PDE7A: variants seen among roughly 807,000 people sequenced by gnomAD.
The protein encoded by PDE7A is high affinity 3',5'-cyclic-AMP phosphodiesterase 7A.
Under a neutral mutation model 64.3 loss-of-function variants are expected in PDE7A, and 39 were observed. The observed-to-expected ratio is 0.61, with a 90% confidence interval of 0.47 to 0.79. PDE7A has a LOEUF of 0.79. Among genes scored for constraint, PDE7A ranks in the 30% least tolerant of loss-of-function variants. The pLI is 0.00. For synonymous variants in PDE7A, 203 were observed against 206.8 expected (o/e 0.98, Z 0.16); for missense variants, 470 against 582.8 (o/e 0.81, Z 1.99).
intron 1 of PDE7A, among the ~76,000 whole-genome samples, chr8:65,814,298 T>G (rs947021237): frequency 1.3e-5 from 2 of 150,798 alleles, no homozygotes; most frequent in Non-Finnish European, 3.0e-5. Flanking sequence ...GATCACGAGG[T>G]CAGGAGATCG....
At position 65,747,741 on chromosome 8, in the gene PDE7A, G is replaced by A. The variant is rs1375616524; in HGVS notation, c.346C>T (p.Arg116Ter). ...AAAAAGCGTGAAGATCTAAGATATC[G>A]CTGGAAACTTAGTAGCCTTCTGATA... ...RNIRRLLSFQ[R>*]YLRSSRFFRG... Residue 116 changes from arginine to a stop codon, truncating the protein, a stop_gained, in exon 4 of 13, where the codon CGA becomes TGA. Coordinates refer to ENST00000401827, the MANE Select transcript of PDE7A (RefSeq NM_001242318.3). LOFTEE classifies it high-confidence loss of function. 10 of 1,606,312 alleles carry A rather than the reference G, an allele frequency of 6.2e-6. No homozygotes were observed. Among genetic ancestry groups the A allele is most frequent in the East Asian group, 2.2e-5 (1 of 44,756 alleles).
chr8:65,753,118 T>C (rs1353130866), intron 3 of PDE7A, among the ~76,000 whole-genome samples: 2 of 152,230 alleles, frequency 1.3e-5, no homozygotes, highest in East Asian at 1.9e-4. Context: ...ATCAGTTCTA[T>C]GGCAGCACTA....
At chr8:65,829,771 C>T (rs532364932) in intron 1 of PDE7A, among the ~76,000 whole-genome samples, 1 of 151,946 alleles carries the variant, frequency 6.6e-6, no homozygotes, top group East Asian at 1.9e-4. Flanking sequence ...GTATGGAAAC[C>T]CAGAACTAGT....
intron 3 of PDE7A, among the ~76,000 whole-genome samples, chr8:65,760,303 A>C (rs1031898587): frequency 1.3e-5 from 2 of 152,262 alleles, no homozygotes; most frequent in African/African-American, 2.4e-5. Flanking sequence ...CATCACTTTT[A>C]CTAGCCATGT....
At chr8:65,814,575 A>AT (rs1810346233) in intron 1 of PDE7A, among the ~76,000 whole-genome samples, 1 of 151,020 alleles carries the variant, frequency 6.6e-6, no homozygotes. Flanking sequence ...GTACACATAT[A>AT]ATACATACGA....
chr8:65,738,422 C>T (rs1807247968), intron 6 of PDE7A, among the ~76,000 whole-genome samples: 1 of 152,132 alleles, frequency 6.6e-6, no homozygotes, highest in Non-Finnish European at 1.5e-5. Flanking sequence ...AGAAGTTCTC[C>T]TATCCACCTA....
rs1563464740 is a variant in PDE7A, at chr8:65,716,512, A to G, written c.*2778T>C. 6.6e-6 allele frequency among the ~76,000 whole-genome samples: 1 copy of G among 152,150 alleles called. No homozygotes were observed. The highest frequency in any genetic ancestry group is 1.5e-5 in the Non-Finnish European group (1 of 68,028). On this transcript the variant is annotated 3_prime_UTR_variant, in exon 13 of 13. Transcript: ENST00000401827. ...AGGGTACCCTGGTCCACAAACATGAATATCACAGAAGACATGGGTCTTCTG... is the reference window on the plus strand; with the variant it reads ...AGGGTACCCTGGTCCACAAACATGAGTATCACAGAAGACATGGGTCTTCTG...
At chr8:65,730,007 T>G (rs1317535267) in intron 7 of PDE7A, among the ~76,000 whole-genome samples, 1 of 151,490 alleles carries the variant, frequency 6.6e-6, no homozygotes, top group African/African-American at 2.4e-5. Flanking sequence ...CCGGTACTGG[T>G]CCATGGCCTG....
At chr8:65,830,879 C>T (rs1810800612) in intron 1 of PDE7A, among the ~76,000 whole-genome samples, 1 of 151,330 alleles carries the variant, frequency 6.6e-6, no homozygotes, top group African/African-American at 2.4e-5. Context: ...AAATGCTTTC[C>T]AGCATAAAAG....
chr8:65,836,377 C>G (rs1270398265), intron 1 of PDE7A, among the ~76,000 whole-genome samples: 1 of 152,234 alleles, frequency 6.6e-6, no homozygotes, highest in Non-Finnish European at 1.5e-5. Flanking sequence ...TTAAAACAAA[C>G]TCAGTGTACC....
chr8:65,739,697 G>A (rs1393692907), intron 5 of PDE7A, 100 bp from the exon 6 acceptor site: 2 of 1,185,108 alleles, frequency 1.7e-6, no homozygotes, highest in African/African-American at 3.2e-5. Context: ...CATGGAAAGA[G>A]TAATAATTCC....
In PDE7A at chr8:65,818,938, T is replaced by C. The variant is rs533136292; in HGVS notation, c.138+22433A>G. The stretch of plus-strand genomic sequence containing the variant: ...CTGCTTCTCACTGGCAGTACCTTCA[T>C]GCCAACCAAGCTGGGGCAGAATTGG... On this transcript the variant is annotated intron_variant, in intron 1 of 12. Transcript: ENST00000401827. Among the ~76,000 whole-genome samples, 336 of 152,306 alleles carry C rather than the reference T, an allele frequency of 2.2e-3. 1 individual carries two copies. Among genetic ancestry groups the C allele is most frequent in the African/African-American group, 7.8e-3 (323 of 41,572 alleles).
At chr8:65,818,239 G>C (rs1008393303) in intron 1 of PDE7A, among the ~76,000 whole-genome samples, 6 of 151,850 alleles carry the variant, frequency 4.0e-5, no homozygotes, top group African/African-American at 1.5e-4. Context: ...TCGTGTATGC[G>C]TCACCCTCTG....
intron 1 of PDE7A, among the ~76,000 whole-genome samples, chr8:65,798,206 A>ATATATATATATATATATATTTTT: frequency 9.5e-5 from 7 of 73,802 alleles, no homozygotes; most frequent in East Asian, 3.7e-4. Flanking sequence ...ATATATATAT[A>ATATATATATATATATATATTTTT]TTTTTTTTTT....
At chr8:65,813,249 T>C (rs1810299611) in intron 1 of PDE7A, among the ~76,000 whole-genome samples, 1 of 152,186 alleles carries the variant, frequency 6.6e-6, no homozygotes, top group Non-Finnish European at 1.5e-5. Flanking sequence ...ATGTCACAGA[T>C]ATATTAGCAT....
chr8:65,747,066 A>T (rs1245174903), intron 4 of PDE7A, among the ~76,000 whole-genome samples: 2 of 152,212 alleles, frequency 1.3e-5, no homozygotes, highest in Non-Finnish European at 2.9e-5. Context: ...GGAAGTAAAT[A>T]ATGCTCACAA....
intron 3 of PDE7A, among the ~76,000 whole-genome samples, chr8:65,774,268 G>T (rs1188899425): frequency 6.6e-6 from 1 of 152,048 alleles, no homozygotes; most frequent in African/African-American, 2.4e-5. Flanking sequence ...AAATCCTCAT[G>T]CTAATAAATA....
intron 6 of PDE7A, among the ~76,000 whole-genome samples, chr8:65,735,655 G>A (rs1009510515): frequency 1.3e-5 from 2 of 151,486 alleles, no homozygotes; most frequent in African/African-American, 2.4e-5. Context: ...ATGGAGTCTC[G>A]CTCTGTCACT....
intron 6 of PDE7A, among the ~76,000 whole-genome samples, chr8:65,737,219 G>A (rs182050262): frequency 1.3e-5 from 2 of 152,156 alleles, no homozygotes; most frequent in East Asian, 3.9e-4. Context: ...ATCCATTGAA[G>A]CCAATGGATT....
Sources: gnomAD v4.1 joint callset for allele counts (sites outside exome capture counted in the v4.1 genomes callset) on GRCh38, gnomAD v4.1.1 for gene constraint, MANE v1.5 for transcripts, NCBI Gene and HGNC (gene_info 2026-07-23, HGNC 2026-07-21) for gene names.